SLC20A2: variants seen among roughly 807,000 people sequenced by gnomAD.
SLC20A2 encodes sodium-dependent phosphate transporter 2.
Under a neutral mutation model 61.0 loss-of-function variants are expected in SLC20A2, and 30 were observed. The observed-to-expected ratio is 0.49, with a 90% CI of 0.37 to 0.67. The LOEUF (loss-of-function observed/expected upper bound fraction) is 0.67, where lower values mean the gene tolerates loss of function less well. Ranked by LOEUF, SLC20A2 falls within the 30% of genes least tolerant of loss-of-function variation. The pLI is 0.00. For synonymous variants in SLC20A2, 351 were observed against 353.3 expected, an observed-to-expected ratio of 0.99 and a Z score of 0.07; for missense variants, 626 against 866.4, an observed-to-expected ratio of 0.72 and a Z score of 3.48.
At chr8:42,447,925 T>A (rs1195342648) in intron 5 of SLC20A2, among the ~76,000 whole-genome samples, 1 of 152,134 alleles carries the variant, frequency 6.6e-6, no homozygotes, top group Non-Finnish European at 1.5e-5. Flanking sequence ...GCAGGCCCCA[T>A]CCAACTCAGG....
chr8:42,530,849 G>A (rs1812274693), intron 1 of SLC20A2, among the ~76,000 whole-genome samples: 2 of 152,252 alleles, frequency 1.3e-5, no homozygotes, highest in Admixed American at 6.5e-5. Context: ...CCCAGTAGCT[G>A]GGATTACAGA....
intron 1 of SLC20A2, among the ~76,000 whole-genome samples, chr8:42,476,185 C>T (rs1173179647): frequency 1.3e-5 from 2 of 148,204 alleles, no homozygotes; most frequent in African/African-American, 5.0e-5. Context: ...CAAGCTCCGC[C>T]TCCTGGGTTC....
chr8:42,451,595 G>C (rs1208780580), intron 5 of SLC20A2, among the ~76,000 whole-genome samples: 3 of 128,572 alleles, frequency 2.3e-5, no homozygotes, highest in Non-Finnish European at 4.9e-5. Flanking sequence ...GGAAGAGATG[G>C]AGGAGGAGGA....
chr8:42,423,075 G>A (rs981907758), intron 10 of SLC20A2, among the ~76,000 whole-genome samples: 1 of 152,034 alleles, frequency 6.6e-6, no homozygotes, highest in African/African-American at 2.4e-5. Context: ...ACCATTTAAA[G>A]ATATGAATTT....
intron 1 of SLC20A2, among the ~76,000 whole-genome samples, chr8:42,533,654 C>CTTTTTTTCTTTCTTTTTTTTTTTTTTTTT (rs1253260874): frequency 1.8e-5 from 1 of 55,310 alleles, no homozygotes. Flanking sequence ...ATCAACTGTT[C>CTTTTTTTCTTTCTTTTTTTTTTTTTTTTT]TTTTTTTTTT....
intron 5 of SLC20A2, among the ~76,000 whole-genome samples, chr8:42,447,416 G>T (rs532791891): frequency 6.6e-6 from 1 of 151,912 alleles, no homozygotes; most frequent in African/African-American, 2.4e-5. Context: ...GGTGGCTCAT[G>T]CCTGTAATCC....
intron 9 of SLC20A2, among the ~76,000 whole-genome samples, chr8:42,429,106 T>C (rs1275010958): frequency 6.6e-6 from 1 of 152,224 alleles, no homozygotes; most frequent in Non-Finnish European, 1.5e-5. Flanking sequence ...GGGCCAGACA[T>C]TCCTGCTGTG....
At position 42,432,325 on chromosome 8, in the gene SLC20A2, T is replaced by C. The variant is rs192625601; in HGVS notation, c.1524-2076A>G. Among the ~76,000 whole-genome samples, 423 of 152,288 alleles carry C rather than the reference T, an allele frequency of 2.8e-3. 1 individual carries two copies. Among genetic ancestry groups the C allele is most frequent in the Admixed American group, 8.0e-3 (123 of 15,290 alleles). ...GTGGAAACAGCAAGAGAACTAGAAG[T>C]GGAGTCTGGCGATGTGACTGAACTA... On this transcript the variant is annotated intron_variant, in intron 8 of 10. Coordinates refer to ENST00000520262, the MANE Select transcript of SLC20A2 (RefSeq NM_001257180.2).
intron 1 of SLC20A2, among the ~76,000 whole-genome samples, chr8:42,485,306 G>T (rs548905863): frequency 6.3e-4 from 96 of 152,086 alleles, no homozygotes; most frequent in Non-Finnish European, 5.7e-4. Flanking sequence ...CCAAAAAAGG[G>T]GAGCTTGTCA....
At chr8:42,484,829 G>A in intron 1 of SLC20A2, 1 of 331,762 alleles carries the variant, frequency 3.0e-6, no homozygotes, top group Non-Finnish European at 5.9e-6. Flanking sequence ...AGACCCCGAG[G>A]GCATCCAGCC....
At chr8:42,462,176 G>A (rs1806760530) in intron 4 of SLC20A2, among the ~76,000 whole-genome samples, 1 of 152,076 alleles carries the variant, frequency 6.6e-6, no homozygotes, top group Non-Finnish European at 1.5e-5. Flanking sequence ...GGAGGGGAGG[G>A]GTGAAGGCTG....
intron 10 of SLC20A2, 46 bp from the exon 11 acceptor site, chr8:42,418,013 G>C (rs777755667): frequency 6.4e-7 from 1 of 1,554,156 alleles, no homozygotes; most frequent in Non-Finnish European, 8.8e-7. Flanking sequence ...AGCCACAAAG[G>C]CTACACTCTA....
In SLC20A2 at chr8:42,437,576, T is replaced by C; in HGVS notation, c.936A>G (p.Gly312=). ...AGCCATGGGTCATGGACAGTGCTCTTCCTGAAAAGGGTTAGAGAAGGTCTC... is the reference window on the plus strand; with the variant it reads ...AGCCATGGGTCATGGACAGTGCTCTCCCTGAAAAGGGTTAGAGAAGGTCTC... The part of the protein sequence containing the change: ...SAGSHPRAAY[G]RALSMTHGSV... Residue 312 remains glycine (G), a splice_region_variant and synonymous_variant, in exon 8 of 11, where the codon GGA becomes GGG. Coordinates refer to ENST00000520262, the MANE Select transcript of SLC20A2 (RefSeq NM_001257180.2). The surrounding 1 kb of genome is among the most constrained non-coding windows in gnomAD (Gnocchi z 6.4). 1 of 1,586,066 alleles carries C rather than the reference T, an allele frequency of 6.3e-7. No homozygotes were observed. The highest frequency in any genetic ancestry group is 8.6e-7 in the Non-Finnish European group (1 of 1,168,444).
chr8:42,501,882 T>C (rs766568761), upstream of SLC20A2, among the ~76,000 whole-genome samples: 15 of 152,252 alleles, frequency 9.9e-5, no homozygotes, highest in Non-Finnish European at 1.5e-4. Flanking sequence ...CTACAAAGCA[T>C]GTTGGAACTC....
chr8:42,459,901 G>T lies in SLC20A2; in HGVS notation c.608C>A (p.Ala203Glu). ...INVFSIMYTG[A>E]PVLGLVLPMW... is the part of the protein sequence containing the mutation. The stretch of plus-strand genomic sequence containing the variant: ...TGCTTCCAAGGGATCCTTACCTGGT[G>T]CTCCTGTGTACATGATGGAAAAGAC... Residue 203 changes from alanine to glutamate, a missense_variant, in exon 5 of 11, where the codon GCA (alanine) becomes GAA (glutamate). Physicochemically the swap from Ala to Glu is moderately radical, Grantham distance 107. Transcript: ENST00000520262. 1 of 1,608,574 alleles carries T rather than the reference G, an allele frequency of 6.2e-7. No individual in the cohort carries two copies. The highest frequency in any genetic ancestry group is 2.2e-5 in the East Asian group (1 of 44,830).
At chr8:42,455,742 C>T (rs1806148141) in intron 5 of SLC20A2, among the ~76,000 whole-genome samples, 1 of 152,076 alleles carries the variant, frequency 6.6e-6, no homozygotes, top group African/African-American at 2.4e-5. Flanking sequence ...TTTTAAACTA[C>T]CTCCCACATC....
At chr8:42,420,561 C>G (rs571066257) in intron 10 of SLC20A2, among the ~76,000 whole-genome samples, 1 of 152,230 alleles carries the variant, frequency 6.6e-6, no homozygotes, top group African/African-American at 2.4e-5. Flanking sequence ...TCTAGACTGA[C>G]AGTCAGCTAT....
At position 42,501,129 on chromosome 8, in the gene SLC20A2, G is replaced by A. The variant is rs140760607; in HGVS notation, c.-363C>T. The stretch of plus-strand genomic sequence containing the variant: ...CTAAAATAGATATCCTACCACATTA[G>A]GCCGAGAAGTCACATTTCAGCTTGC... On this transcript the variant is annotated 5_prime_UTR_variant, in exon 1 of 11. Transcript: ENST00000520262. The A allele has an allele frequency of 6.6e-6, 1 of 152,228 alleles. No homozygotes were observed. Among genetic ancestry groups the A allele is most frequent in the Non-Finnish European group, 1.5e-5 (1 of 68,032 alleles). The allele number at this position is 152,228 out of a possible 1,614,324, so 9.4% of individuals were successfully genotyped here.
At chr8:42,499,712 A>G (rs997538574) in intron 1 of SLC20A2, among the ~76,000 whole-genome samples, 2 of 152,242 alleles carry the variant, frequency 1.3e-5, no homozygotes, top group Non-Finnish European at 1.5e-5. Flanking sequence ...AGTAATAGCA[A>G]TAAGTCAGAA....
Sources: gnomAD v4.1 joint callset for allele counts (sites outside exome capture counted in the v4.1 genomes callset) on GRCh38, gnomAD v4.1.1 for gene constraint, Gnocchi (gnomAD v3.1) non-coding constraint, MANE v1.5 for transcripts, NCBI Gene and HGNC (gene_info 2026-07-23, HGNC 2026-07-21) for gene names.